LARP1B: variants seen among roughly 807,000 people sequenced by gnomAD.
LARP1B encodes the protein la-related protein 1B.
A neutral mutation model predicts 114.2 loss-of-function variants in LARP1B; 76 were observed. The observed-to-expected ratio is 0.67, with a 90% CI of 0.55 to 0.81. The LOEUF (loss-of-function observed/expected upper bound fraction) is 0.81, where lower values mean the gene tolerates loss of function less well. Ranked by LOEUF, LARP1B falls within the 30% of genes least tolerant of loss-of-function variation. The pLI is 0.00. For missense variants in LARP1B, 1,014 were observed against 1,075.8 expected (o/e 0.94, Z 0.80); for synonymous variants, 345 against 348.0 (o/e 0.99, Z 0.10).
At chr4:128,214,848 C>G (rs1759419021), downstream of LARP1B, among the ~76,000 whole-genome samples, 1 of 15,812 alleles carries the variant, frequency 6.3e-5, no homozygotes, top group Non-Finnish European at 1.5e-4. Context: ...TTACTCTGAG[C>G]TACGGGAGGA....
At chr4:128,085,648 A>G (rs1773184929) in intron 5 of LARP1B, among the ~76,000 whole-genome samples, 1 of 152,146 alleles carries the variant, frequency 6.6e-6, no homozygotes, top group Non-Finnish European at 1.5e-5. Context: ...GATTACAAGC[A>G]TGAGCCACCG....
intron 10 of LARP1B, among the ~76,000 whole-genome samples, chr4:128,117,571 A>G (rs1268356403): frequency 1.3e-5 from 2 of 151,586 alleles, no homozygotes; most frequent in Admixed American, 1.3e-4. Context: ...TTTTTAGTAG[A>G]CGGGGTTTCA....
At chr4:128,169,505 C>T (rs2150531523) in intron 12 of LARP1B, among the ~76,000 whole-genome samples, 1 of 151,958 alleles carries the variant, frequency 6.6e-6, no homozygotes, top group South Asian at 2.1e-4. Context: ...GGATATCTTC[C>T]TGAAATCTAT....
rs537543028 is a variant in LARP1B, at chr4:128,139,819, G to A, written c.1524+17631G>A. The stretch of plus-strand genomic sequence containing the variant: ...GAAATAGTTCATAAAACTTATATTA[G>A]CAATGTTAAGACATCAGATGGTAAG... On this transcript the variant is annotated intron_variant, in intron 11 of 19. Coordinates refer to ENST00000326639, the MANE Select transcript of LARP1B (RefSeq NM_018078.4). Among the ~76,000 whole-genome samples, 3 of 152,290 alleles carry A rather than the reference G, an allele frequency of 2.0e-5. No homozygotes were observed. In the East Asian group the frequency reaches 5.8e-4, roughly 29 times the overall value.
intron 11 of LARP1B, among the ~76,000 whole-genome samples, chr4:128,131,083 A>G (rs778489355): frequency 5.3e-5 from 8 of 152,226 alleles, no homozygotes; most frequent in Non-Finnish European, 1.2e-4. Flanking sequence ...AGTATTTTCT[A>G]TGATGTTCTG....
intron 12 of LARP1B, among the ~76,000 whole-genome samples, chr4:128,174,965 TGAAACAA>T (rs1745291858): frequency 6.6e-6 from 1 of 152,136 alleles, no homozygotes; most frequent in East Asian, 1.9e-4. Context: ...TGAACTAGGA[TGAAACAA>T]GATGCAAACA....
At chr4:128,198,025 C>T (rs1479533054) in intron 15 of LARP1B, among the ~76,000 whole-genome samples, 3 of 151,426 alleles carry the variant, frequency 2.0e-5, no homozygotes, top group Non-Finnish European at 4.4e-5. Context: ...GCTGGGATTA[C>T]AGGTACATGC....
At chr4:128,067,291 G>A (rs1234408734) in intron 1 of LARP1B, among the ~76,000 whole-genome samples, 1 of 152,046 alleles carries the variant, frequency 6.6e-6, no homozygotes, top group Non-Finnish European at 1.5e-5. Context: ...GAATTGTATT[G>A]AAATAACAGA....
chr4:128,064,300 T>A (rs1321705668), intron 1 of LARP1B, among the ~76,000 whole-genome samples: 1 of 138,836 alleles, frequency 7.2e-6, no homozygotes, highest in East Asian at 2.1e-4. Flanking sequence ...AGTACGGTGA[T>A]TGTTACAAGC....
chr4:128,085,272 T>C (rs531859367), intron 5 of LARP1B, among the ~76,000 whole-genome samples: 93 of 152,194 alleles, frequency 6.1e-4, no homozygotes, highest in African/African-American at 2.0e-3. Flanking sequence ...CCCTTTGTAA[T>C]TACTGTGTAA....
At chr4:128,149,559 A>C (rs1335849321) in intron 11 of LARP1B, among the ~76,000 whole-genome samples, 1 of 152,186 alleles carries the variant, frequency 6.6e-6, no homozygotes, top group Non-Finnish European at 1.5e-5. Flanking sequence ...ATTTTAAAGA[A>C]TCTGTTCATA....
In LARP1B at chr4:128,155,824, G is replaced by A. The variant is rs991746949; in HGVS notation, c.1525-6370G>A. On this transcript the variant is annotated intron_variant, in intron 11 of 19. Transcript: ENST00000326639. ...TGATAAACTGGAAGATGAGAAATCA[G>A]GGCTGCAGCGAGAGATCGAGGAGCT... 7 of 1,582,242 alleles carry A rather than the reference G, an allele frequency of 4.4e-6. No homozygotes were observed. In the African/African-American group the frequency reaches 9.4e-5, roughly 21 times the overall value.
chr4:128,062,656 A>AGTGGAAGC (rs747469383), intron 1 of LARP1B, among the ~76,000 whole-genome samples: 135 of 144,606 alleles, frequency 9.3e-4, no homozygotes, highest in Non-Finnish European at 1.7e-3. Flanking sequence ...TTTATTCGTA[A>AGTGGAAGC]GTGGAAGCGC....
intron 10 of LARP1B, among the ~76,000 whole-genome samples, chr4:128,116,107 A>G (rs936469339): frequency 1.3e-5 from 2 of 152,230 alleles, no homozygotes; most frequent in African/African-American, 2.4e-5. Context: ...TGGAGGGTAC[A>G]TAAGAGAGTG....
chr4:128,134,147 C>G (rs905665563), intron 11 of LARP1B, among the ~76,000 whole-genome samples: 2 of 152,080 alleles, frequency 1.3e-5, no homozygotes, highest in Admixed American at 1.3e-4. Flanking sequence ...ACTACAGGCT[C>G]ACACTGCCAC....
chr4:128,063,348 A>T (rs1761058286), intron 1 of LARP1B, among the ~76,000 whole-genome samples: 1 of 139,458 alleles, frequency 7.2e-6, no homozygotes. Context: ...GAATCGCTTG[A>T]ACCCGGGAGG....
intron 17 of LARP1B, among the ~76,000 whole-genome samples, chr4:128,203,603 A>C (rs1756719886): frequency 2.0e-5 from 3 of 152,160 alleles, no homozygotes; most frequent in African/African-American, 7.2e-5. Context: ...TGAACACCTG[A>C]CCTCAAGTGA....
At chr4:128,125,390 A>G (rs1420406455) in intron 11 of LARP1B, among the ~76,000 whole-genome samples, 2 of 152,232 alleles carry the variant, frequency 1.3e-5, no homozygotes, top group Non-Finnish European at 2.9e-5. Flanking sequence ...GATACCCCAA[A>G]AGAATACACT....
intron 17 of LARP1B, among the ~76,000 whole-genome samples, chr4:128,203,630 TCC>T (rs1756731819): frequency 1.3e-5 from 2 of 152,094 alleles, no homozygotes; most frequent in Admixed American, 1.3e-4. Context: ...CACCTCGGCC[TCC>T]CAAAGTGCTA....
Sources: gnomAD v4.1 joint callset for allele counts (sites outside exome capture counted in the v4.1 genomes callset) on GRCh38, gnomAD v4.1.1 for gene constraint, MANE v1.5 for transcripts, NCBI Gene and HGNC (gene_info 2026-07-23, HGNC 2026-07-21) for gene names.